Variants in CACNB2 observed in about 807,000 individuals in gnomAD.
CACNB2 encodes the protein voltage-dependent L-type calcium channel subunit beta-2.
A neutral mutation model predicts 73.3 loss-of-function variants in CACNB2; 42 were observed. That is an observed-to-expected ratio of 0.57 (90% CI 0.45 to 0.74). CACNB2 has a LOEUF of 0.74. CACNB2 is among the 30% of genes least tolerant of loss of function. The pLI is 0.00. For synonymous variants in CACNB2, 348 were observed against 310.3 expected, an observed-to-expected ratio of 1.12 and a Z score of -1.28; for missense variants, 940 against 853.0, an observed-to-expected ratio of 1.10 and a Z score of -1.27.
At chr10:18,303,627 G>A (rs370779739) in intron 2 of CACNB2, among the ~76,000 whole-genome samples, 17 of 152,306 alleles carry the variant, frequency 1.1e-4, no homozygotes, top group East Asian at 3.9e-4. Context: ...TGTGCAACCC[G>A]TATGAAGGCA....
intron 1 of CACNB2, among the ~76,000 whole-genome samples, chr10:18,146,915 G>T (rs1468804586): frequency 1.3e-5 from 2 of 152,164 alleles, no homozygotes; most frequent in African/African-American, 4.8e-5. Flanking sequence ...GAGCCACCGT[G>T]CCCGGCCTAA....
In CACNB2 at chr10:18,140,666, G is replaced by A; in HGVS notation, c.-71G>A. On this transcript the variant is annotated 5_prime_UTR_variant, in exon 1 of 14. Coordinates refer to ENST00000324631, the MANE Select transcript of CACNB2 (RefSeq NM_201596.3). ...CCCCCAGAGCCGATCAGAGCGCGGG[G>A]AGGCGGGGGCGAGGAGGAGGGGACC... 1 of 1,361,764 alleles carries A rather than the reference G, an allele frequency of 7.3e-7. No individual in the cohort carries two copies. The highest frequency in any genetic ancestry group is 1.4e-5 in the African/African-American group (1 of 70,234). 84.4% of individuals were successfully genotyped at this position (1,361,764 alleles called of 1,614,324 possible).
intron 3 of CACNB2, among the ~76,000 whole-genome samples, chr10:18,475,458 G>C (rs1006018018): frequency 1.3e-5 from 2 of 152,190 alleles, no homozygotes; most frequent in Admixed American, 6.5e-5. Flanking sequence ...ACACTTTGGA[G>C]AGTATAAGAG....
rs2054111946 is a variant in CACNB2 at position 18,542,567 on chromosome 10, A to C, written c.*2843A>C. On this transcript the variant is annotated 3_prime_UTR_variant, in exon 14 of 14. Coordinates refer to ENST00000324631, the MANE Select transcript of CACNB2 (RefSeq NM_201596.3). ...AGTGGTGAGAGTTTCCATCTTTTTT[A>C]TTTTGTATCTAGATTCTTAGCTTGC... 6.6e-6 allele frequency: 1 copy of C among 152,122 alleles called. No individual in the cohort carries two copies. Among genetic ancestry groups the C allele is most frequent in the Admixed American group, 6.5e-5 (1 of 15,278 alleles). 9.4% of individuals were successfully genotyped at this position (152,122 alleles called of 1,614,324 possible).
chr10:18,420,033 G>A (rs1179545752), intron 3 of CACNB2, among the ~76,000 whole-genome samples: 2 of 152,140 alleles, frequency 1.3e-5, no homozygotes, highest in African/African-American at 2.4e-5. Flanking sequence ...TCCCTCAACT[G>A]TAAGTATCTT....
chr10:18,518,545 C>T (rs2051506389), intron 8 of CACNB2, 129 bp downstream of exon 8: 6 of 759,352 alleles, frequency 7.9e-6, no homozygotes, highest in Non-Finnish European at 1.4e-5. Context: ...AGAGAGCTCA[C>T]AGCAGCAAAG....
At chr10:18,393,304 T>A (rs11014021) in intron 2 of CACNB2, among the ~76,000 whole-genome samples, 56,124 of 152,028 alleles carry the variant, frequency 0.37, 10,886 homozygotes, top group Middle Eastern at 0.45. Context: ...CTAATTTTTT[T>A]AAATTACTTA....
At chr10:18,166,359 G>A (rs972895850) in intron 2 of CACNB2, among the ~76,000 whole-genome samples, 2 of 152,004 alleles carry the variant, frequency 1.3e-5, no homozygotes, top group South Asian at 2.1e-4. Context: ...AGGTTCAAGC[G>A]ACTTTCATGC....
chr10:18,366,897 T>G (rs757249960), intron 2 of CACNB2, among the ~76,000 whole-genome samples: 3 of 152,336 alleles, frequency 2.0e-5, no homozygotes, highest in Middle Eastern at 3.4e-3. Context: ...TTTTGGTGTC[T>G]GAGAGCCTAT....
chr10:18,464,339 G>A (rs2047744592), intron 3 of CACNB2, among the ~76,000 whole-genome samples: 1 of 146,508 alleles, frequency 6.8e-6, no homozygotes, highest in Non-Finnish European at 1.5e-5. Context: ...TGAGCCTAAG[G>A]AGGTCGAGGC....
chr10:18,231,026 C>T (rs1049989742), intron 2 of CACNB2, among the ~76,000 whole-genome samples: 7 of 152,246 alleles, frequency 4.6e-5, no homozygotes, highest in South Asian at 2.1e-4. Context: ...CGAAAGGATG[C>T]GTCTCAGTGT....
At chr10:18,445,329 A>G (rs1306112407) in intron 3 of CACNB2, among the ~76,000 whole-genome samples, 1 of 152,216 alleles carries the variant, frequency 6.6e-6, no homozygotes, top group African/African-American at 2.4e-5. Flanking sequence ...CCAACAGAGC[A>G]TCAATTTAAC....
chr10:18,401,035 A>C, intron 2 of CACNB2: 1 of 1,614,136 alleles, frequency 6.2e-7, no homozygotes, highest in South Asian at 1.1e-5. Flanking sequence ...CTGGCTCATG[A>C]AGGCCACCTG....
intron 2 of CACNB2, among the ~76,000 whole-genome samples, chr10:18,258,976 A>G (rs2037406564): frequency 6.6e-6 from 1 of 152,068 alleles, no homozygotes; most frequent in African/African-American, 2.4e-5. Flanking sequence ...TTCTGATTTA[A>G]TCACTAAAGT....
intron 3 of CACNB2, among the ~76,000 whole-genome samples, chr10:18,409,142 CA>C (rs897915281): frequency 6.6e-6 from 1 of 151,516 alleles, no homozygotes; most frequent in East Asian, 1.9e-4. Flanking sequence ...ACTAAAAATA[CA>C]AAAAAAATAG....
At chr10:18,193,101 T>C (rs1346173173) in intron 2 of CACNB2, among the ~76,000 whole-genome samples, 5 of 152,196 alleles carry the variant, frequency 3.3e-5, no homozygotes, top group Non-Finnish European at 5.9e-5. Context: ...TTTGATACAT[T>C]TGAATACAAT....
chr10:18,220,232 T>TAGAGAGAGAGAGAGAGAGAGAGAG (rs1169176468), intron 2 of CACNB2, among the ~76,000 whole-genome samples: 1 of 25,084 alleles, frequency 4.0e-5, no homozygotes, highest in Non-Finnish European at 6.2e-5. Context: ...TATATATATA[T>TAGAGAGAGAGAGAGAGAGAGAGAG]AGAGAGAGAG....
intron 2 of CACNB2, among the ~76,000 whole-genome samples, chr10:18,303,573 C>T (rs979082017): frequency 2.0e-5 from 3 of 152,134 alleles, no homozygotes; most frequent in African/African-American, 4.8e-5. Context: ...TCTCAGATGT[C>T]ACTTACTTCT....
chr10:18,178,914 G>A (rs778623649), intron 2 of CACNB2, among the ~76,000 whole-genome samples: 10 of 152,198 alleles, frequency 6.6e-5, no homozygotes, highest in Non-Finnish European at 5.9e-5. Context: ...ACCTTGTAGG[G>A]ACAGGGTGGA....
Sources: allele counts gnomAD v4.1 joint callset (sites outside exome capture counted in the v4.1 genomes callset), GRCh38; gene constraint gnomAD v4.1.1; transcripts MANE v1.5; gene names NCBI Gene and HGNC (gene_info 2026-07-23, HGNC 2026-07-21).